The following RAB11FIP3 variants were observed in gnomAD, a reference collection of about 807,000 sequenced individuals.
RAB11FIP3 encodes rab11 family-interacting protein 3.
In RAB11FIP3, 17 loss-of-function variants were observed where a neutral mutation model predicts 77.8. The ratio of observed to expected loss-of-function variants is 0.22; its 90% CI spans 0.15 to 0.33. The LOEUF (loss-of-function observed/expected upper bound fraction) is 0.33, where lower values mean the gene tolerates loss of function less well. RAB11FIP3 is among the 10% of genes least tolerant of loss of function. The pLI, the probability that RAB11FIP3 is intolerant of heterozygous loss-of-function variation, is 1.00. For synonymous variants in RAB11FIP3, 437 were observed against 448.2 expected, an observed-to-expected ratio of 0.98 and a Z score of 0.31; for missense variants, 1,005 against 1,011.2, an observed-to-expected ratio of 0.99 and a Z score of 0.08.
At position 522,044 on chromosome 16, in the gene RAB11FIP3, T is replaced by TGCGCGCATGTGTGCGTGCGTGC. The variant is rs58290701; in HGVS notation, c.*1205_*1206insGCGCGCATGTGTGCGTGCGTGC. On this transcript the variant is annotated 3_prime_UTR_variant, in exon 14 of 14. Transcript: ENST00000262305. ...CGCTGCGTGTGTGTGCGCGCGCGTG[T>TGCGCGCATGTGTGCGTGCGTGC]ACGTGTGGCCCCACATCCGCCGCCT... 6.6e-6 allele frequency: 1 copy of TGCGCGCATGTGTGCGTGCGTGC among 151,732 alleles called. No individual in the cohort carries two copies. The highest frequency in any genetic ancestry group is 1.5e-5 in the Non-Finnish European group (1 of 67,962). 9.4% of individuals were successfully genotyped at this position (151,732 alleles called of 1,614,324 possible). A position where few individuals can be genotyped will look rare whatever the true frequency, so the allele number is the denominator to read the frequency against.
At chr16:460,370 C>T (rs1804253210) in intron 1 of RAB11FIP3, among the ~76,000 whole-genome samples, 1 of 152,032 alleles carries the variant, frequency 6.6e-6, no homozygotes, top group South Asian at 2.1e-4. Context: ...AGGTTTGTTA[C>T]ATAGGCAAAC....
chr16:455,218 G>A (rs66714754), intron 1 of RAB11FIP3, among the ~76,000 whole-genome samples: 60,555 of 151,484 alleles, frequency 0.4, 13,598 homozygotes, highest in Middle Eastern at 0.54. Context: ...CATGGCTCAC[G>A]CCGGTAATCC....
At chr16:509,452 C>G (rs1031419754) in intron 8 of RAB11FIP3, among the ~76,000 whole-genome samples, 2 of 152,272 alleles carry the variant, frequency 1.3e-5, no homozygotes, top group African/African-American at 4.8e-5. Context: ...CATCTGTTCA[C>G]TCCTGCGTGT....
At chr16:451,125 A>T (rs1192911089) in intron 1 of RAB11FIP3, among the ~76,000 whole-genome samples, 1 of 152,096 alleles carries the variant, frequency 6.6e-6, no homozygotes, top group Non-Finnish European at 1.5e-5. Flanking sequence ...AATAATGTGG[A>T]GGCAGCTCTG....
At chr16:497,243 A>G (rs1260774815) in intron 6 of RAB11FIP3, 1 of 1,301,702 alleles carries the variant, frequency 7.7e-7, no homozygotes, top group Admixed American at 2.3e-5. Context: ...GTCGAAGGTG[A>G]GGGATGGGTC....
Position 426,308 on chromosome 16 carries a change from C to A in RAB11FIP3, c.302C>A (p.Ala101Glu). 2 of 1,319,488 alleles carry A rather than the reference C, an allele frequency of 1.5e-6. No individual in the cohort carries two copies. Among genetic ancestry groups the A allele is most frequent in the South Asian group, 4.4e-5 (2 of 45,002 alleles). 81.7% of individuals were successfully genotyped at this position (1,319,488 alleles called of 1,614,324 possible). Residue 101 changes from alanine to glutamate, a missense_variant, in exon 1 of 14, where the codon GCG (alanine) becomes GAG (glutamate). Ala to Glu is a moderately radical substitution (Grantham distance 107). Coordinates refer to ENST00000262305, the MANE Select transcript of RAB11FIP3 (RefSeq NM_014700.4). The surrounding 1 kb of genome is among the most constrained non-coding windows in gnomAD (Gnocchi z 5.0). The part of the protein sequence containing the change: ...PPRSGPRGQL[A>E]SPDAPGPGPR... The stretch of plus-strand genomic sequence containing the variant: ...CGCTCCGGCCCGCGGGGGCAGCTTG[C>A]GAGCCCCGACGCCCCGGGCCCAGGG...
In RAB11FIP3 at chr16:489,850, G is replaced by A. The variant is rs372429594; in HGVS notation, c.1265+850G>A. 3.7e-4 allele frequency among the ~76,000 whole-genome samples: 57 copies of A among 152,168 alleles called. 2 individuals are homozygous for A. The highest frequency in any genetic ancestry group is 2.6e-3 in the Admixed American group (40 of 15,276). ...CCATGTGCCCTCCTTGAAGCCGCCC[G>A]TCAGCCCTGGGTGTGGGGACCCTGC... is the stretch of plus-strand genomic sequence containing the variant. On this transcript the variant is annotated intron_variant, in intron 5 of 13. Transcript: ENST00000262305.
At chr16:427,298 A>G (rs2054964717) in intron 1 of RAB11FIP3, among the ~76,000 whole-genome samples, 1 of 152,238 alleles carries the variant, frequency 6.6e-6, no homozygotes, top group African/African-American at 2.4e-5. Context: ...CCTGGAATTA[A>G]GAATTTTTAC....
intron 1 of RAB11FIP3, chr16:439,424 C>G (rs1281628898): frequency 6.6e-6 from 1 of 152,180 alleles, no homozygotes; most frequent in Non-Finnish European, 1.5e-5. Flanking sequence ...ATTGGTATTA[C>G]TCTGGTTACC....
At chr16:444,047 G>C (rs964065074) in intron 1 of RAB11FIP3, among the ~76,000 whole-genome samples, 2 of 152,148 alleles carry the variant, frequency 1.3e-5, no homozygotes, top group Admixed American at 6.6e-5. Context: ...TCGTTCTTGT[G>C]CGTGTCTGTG....
intron 1 of RAB11FIP3, among the ~76,000 whole-genome samples, chr16:446,048 T>C (rs1372199216): frequency 6.6e-6 from 1 of 152,064 alleles, no homozygotes; most frequent in East Asian, 1.9e-4. Flanking sequence ...TACTTGCTCT[T>C]GGGGAATGGG....
chr16:464,427 G>A (rs762066452), intron 2 of RAB11FIP3, among the ~76,000 whole-genome samples: 1 of 152,216 alleles, frequency 6.6e-6, no homozygotes, highest in Non-Finnish European at 1.5e-5. Flanking sequence ...GAGGCTTGCT[G>A]CATGGCGTGC....
At chr16:437,935 G>T (rs1482043600) in intron 1 of RAB11FIP3, among the ~76,000 whole-genome samples, 1 of 152,084 alleles carries the variant, frequency 6.6e-6, no homozygotes, top group Non-Finnish European at 1.5e-5. Context: ...TTAGTCTCCC[G>T]AGTAGCTGGG....
At chr16:484,591 G>T (rs923767211) in intron 4 of RAB11FIP3, among the ~76,000 whole-genome samples, 1 of 152,202 alleles carries the variant, frequency 6.6e-6, no homozygotes, top group East Asian at 1.9e-4. Flanking sequence ...GGCCTCAGGC[G>T]ATCCGCCCGC....
chr16:432,402 G>C (rs952451771), intron 1 of RAB11FIP3, among the ~76,000 whole-genome samples: 1 of 151,858 alleles, frequency 6.6e-6, no homozygotes, highest in Non-Finnish European at 1.5e-5. Flanking sequence ...ACTAAAACTA[G>C]TAGGTAAAAT....
At chr16:440,399 G>C (rs762084594) in intron 1 of RAB11FIP3, among the ~76,000 whole-genome samples, 2 of 152,160 alleles carry the variant, frequency 1.3e-5, no homozygotes, top group African/African-American at 2.4e-5. Context: ...CCAAAGTGCT[G>C]GGATTACAGG....
At chr16:520,401 T>C (rs1036832299) in intron 12 of RAB11FIP3, 58 bp from the exon 13 acceptor site, 20 of 1,604,140 alleles carry the variant, frequency 1.2e-5, no homozygotes, top group Non-Finnish European at 1.7e-5. Flanking sequence ...GCAGTCCTTG[T>C]CCCTGCTCAG....
intron 4 of RAB11FIP3, among the ~76,000 whole-genome samples, chr16:484,578 CCT>C (rs1380828910): frequency 6.6e-6 from 1 of 152,178 alleles, no homozygotes; most frequent in African/African-American, 2.4e-5. Context: ...GTCTCCAACC[CCT>C]GGCCTCAGGC....
chr16:475,993 T>C (rs926580326), intron 3 of RAB11FIP3, among the ~76,000 whole-genome samples: 2 of 152,146 alleles, frequency 1.3e-5, no homozygotes, highest in Non-Finnish European at 2.9e-5. Flanking sequence ...GTAGCTGGGA[T>C]TACAGGCGCC....
Sources: gnomAD v4.1 joint callset for allele counts (sites outside exome capture counted in the v4.1 genomes callset) on GRCh38, gnomAD v4.1.1 for gene constraint, Gnocchi (gnomAD v3.1) non-coding constraint, MANE v1.5 for transcripts, NCBI Gene and HGNC (gene_info 2026-07-23, HGNC 2026-07-21) for gene names.